The following MXRA7 variants were observed in gnomAD, a reference collection of about 807,000 sequenced individuals.
The protein encoded by MXRA7 is matrix-remodeling-associated protein 7.
Under a neutral mutation model 17.4 loss-of-function variants are expected in MXRA7, and 18 were observed. The ratio of observed to expected loss-of-function variants is 1.03; its 90% CI spans 0.71 to 1.53. MXRA7 has a LOEUF of 1.53. Among genes scored for constraint, MXRA7 ranks in the 40% most tolerant of loss-of-function variants. The probability of loss-of-function intolerance (pLI) is 0.00; values close to 1 mark genes in which losing one functional copy is unlikely to be tolerated. For missense variants in MXRA7, 141 were observed against 209.3 expected (o/e 0.67, Z 2.01); for synonymous variants, 70 against 101.7 (o/e 0.69, Z 1.87).
At chr17:76,685,315 C>G in intron 2 of MXRA7, 150 bp from the exon 3 acceptor site, 1 of 635,244 alleles carries the variant, frequency 1.6e-6, no homozygotes, top group South Asian at 1.9e-5. Context: ...CCTATACCCC[C>G]TCTCGTTCCA....
exon 4 of MXRA7, chr17:76,672,977 T>G (rs2076213561): frequency 6.6e-6 from 1 of 152,114 alleles, no homozygotes; most frequent in African/African-American, 2.4e-5. Context: ...CGGAAAGGCA[T>G]GTTTGGCTGG....
chr17:76,701,290 T>A (rs2076588111), intron 1 of MXRA7, among the ~76,000 whole-genome samples: 1 of 151,884 alleles, frequency 6.6e-6, no homozygotes, highest in Non-Finnish European at 1.5e-5. Flanking sequence ...ACAGCAGGTC[T>A]TCAGGGCGTG....
intron 1 of MXRA7, among the ~76,000 whole-genome samples, chr17:76,696,120 C>A (rs940308929): frequency 5.3e-5 from 8 of 151,978 alleles, no homozygotes; most frequent in African/African-American, 1.9e-4. Flanking sequence ...AAGAAAGAAA[C>A]AGTGTGCAGA....
downstream of MXRA7, chr17:76,677,578 TG>T: frequency 6.3e-7 from 1 of 1,597,166 alleles, no homozygotes. Flanking sequence ...GTGCATCCCG[TG>T]GGCGCAGTCT....
chr17:76,710,326 C>G (rs1598366945), intron 1 of MXRA7, among the ~76,000 whole-genome samples: 1 of 152,310 alleles, frequency 6.6e-6, no homozygotes, highest in East Asian at 1.9e-4. Flanking sequence ...CGGAGCACGC[C>G]CTGGGCTGGG....
At chr17:76,705,238 T>G (rs917027692) in intron 1 of MXRA7, among the ~76,000 whole-genome samples, 1 of 152,182 alleles carries the variant, frequency 6.6e-6, no homozygotes, top group Non-Finnish European at 1.5e-5. Flanking sequence ...GGAAAGCCCC[T>G]GGACTTCTTT....
At chr17:76,677,989 C>G (rs576644164), downstream of MXRA7, among the ~76,000 whole-genome samples, 27 of 152,258 alleles carry the variant, frequency 1.8e-4, no homozygotes, top group African/African-American at 5.8e-4. Context: ...GCCTCAGTTT[C>G]CCTTTGGGCC....
At chr17:76,689,630 C>G (rs999325945) in intron 1 of MXRA7, 1 of 152,166 alleles carries the variant, frequency 6.6e-6, no homozygotes, top group Non-Finnish European at 1.5e-5. Flanking sequence ...ACACAGCAAA[C>G]CCACTTCTAG....
rs1456832693 is a variant in MXRA7, at chr17:76,710,591, G to A, written c.342+14C>T. 9 of 1,339,476 alleles carry A rather than the reference G, an allele frequency of 6.7e-6. No homozygotes were observed. Among genetic ancestry groups the A allele is most frequent in the Middle Eastern group, 2.8e-4 (1 of 3,560 alleles). 83.0% of individuals were successfully genotyped at this position (1,339,476 alleles called of 1,614,324 possible). On this transcript the variant is annotated intron_variant, in intron 1 of 3. Transcript: ENST00000449428. Reference sequence around the variant, plus strand: ...CGGGGGTGGGGAGGGGGCCGCGAGGGCCCCGGTGCGTACCTGCCTCGCCTC... The same window carrying A: ...CGGGGGTGGGGAGGGGGCCGCGAGGACCCCGGTGCGTACCTGCCTCGCCTC...
chr17:76,675,182 C>G (rs2076230292), downstream of MXRA7: 1 of 152,106 alleles, frequency 6.6e-6, no homozygotes, highest in African/African-American at 2.4e-5. Context: ...GATTTTGACT[C>G]AAGTACACGA....
chr17:76,693,221 G>A (rs2076495314), intron 1 of MXRA7, among the ~76,000 whole-genome samples: 1 of 152,192 alleles, frequency 6.6e-6, no homozygotes, highest in African/African-American at 2.4e-5. Context: ...TGTAATCCCA[G>A]CACTTTGGGA....
At chr17:76,677,901 G>A (rs1318940757), downstream of MXRA7, among the ~76,000 whole-genome samples, 2 of 152,172 alleles carry the variant, frequency 1.3e-5, no homozygotes, top group Non-Finnish European at 2.9e-5. Flanking sequence ...AACTTTTGAG[G>A]GCTCTAAAAA....
intron 3 of MXRA7, among the ~76,000 whole-genome samples, chr17:76,683,209 G>C (rs969865121): frequency 2.6e-5 from 4 of 152,196 alleles, no homozygotes; most frequent in Non-Finnish European, 4.4e-5. Context: ...TCTGCAAACA[G>C]CCAGATACTA....
intron 2 of MXRA7, 149 bp from the exon 3 acceptor site, chr17:76,685,314 C>G (rs1282862284): frequency 1.6e-6 from 1 of 634,536 alleles, no homozygotes; most frequent in Non-Finnish European, 2.8e-6. Flanking sequence ...GCCTATACCC[C>G]CTCTCGTTCC....
rs554183040 is a variant in MXRA7 at position 76,684,990 on chromosome 17, G to A, written c.500+82C>T. 2.8e-5 allele frequency: 32 copies of A among 1,159,814 alleles called. No homozygotes were observed. In the African/African-American group the frequency reaches 4.1e-4, roughly 15 times the overall value. 71.8% of individuals were successfully genotyped at this position (1,159,814 alleles called of 1,614,324 possible). ...CCTCCTTTCTGGGCCCTTCTGCCAA[G>A]GGGCAGGAACATGAAGGGCTCAGAG... On this transcript the variant is annotated intron_variant, in intron 3 of 3. Coordinates refer to ENST00000449428, the MANE Select transcript of MXRA7 (RefSeq NM_198530.4).
intron 1 of MXRA7, chr17:76,688,918 G>A (rs531258883): frequency 5.9e-4 from 171 of 290,348 alleles, no homozygotes; most frequent in African/African-American, 3.4e-3. Context: ...AGCCCCAGCT[G>A]ATCCCATGGA....
chr17:76,698,455 C>T (rs1043119911), intron 1 of MXRA7, among the ~76,000 whole-genome samples: 2 of 152,196 alleles, frequency 1.3e-5, no homozygotes, highest in East Asian at 3.9e-4. Flanking sequence ...ACCTCTGTTC[C>T]TCCATACCCG....
chr17:76,677,832 G>C (rs1377811440), downstream of MXRA7: 19 of 643,162 alleles, frequency 3.0e-5, no homozygotes, highest in East Asian at 5.1e-4. Context: ...TTCAGAACAA[G>C]AAGAAAATGA....
At chr17:76,698,489 C>T (rs1444956453) in intron 1 of MXRA7, among the ~76,000 whole-genome samples, 3 of 152,122 alleles carry the variant, frequency 2.0e-5, no homozygotes, top group East Asian at 3.9e-4. Context: ...GCCATCTCCC[C>T]CTCCAAACTA....
Sources: allele counts gnomAD v4.1 joint callset (sites outside exome capture counted in the v4.1 genomes callset), GRCh38; gene constraint gnomAD v4.1.1; transcripts MANE v1.5; gene names NCBI Gene and HGNC (gene_info 2026-07-23, HGNC 2026-07-21).